DNAH17: variants seen among roughly 807,000 people sequenced by gnomAD.
The protein encoded by DNAH17 is dynein axonemal heavy chain 17.
In DNAH17, 376 loss-of-function variants were observed where a neutral mutation model predicts 485.6. That is an observed-to-expected ratio of 0.77 (90% CI 0.71 to 0.84). The LOEUF (loss-of-function observed/expected upper bound fraction) is 0.84. Ranked by LOEUF, DNAH17 falls within the 40% of genes least tolerant of loss-of-function variation. DNAH17 has a pLI of 0.00. For missense variants in DNAH17, 6,370 were observed against 5,839.3 expected (o/e 1.09, Z -2.96); for synonymous variants, 3,031 against 2,405.9 (o/e 1.26, Z -7.60).
At chr17:78,440,565 ACT>A (rs2087035321) in intron 72 of DNAH17, among the ~76,000 whole-genome samples, 2 of 151,434 alleles carry the variant, frequency 1.3e-5, no homozygotes, top group Admixed American at 6.6e-5. Flanking sequence ...GGCCTGCTTC[ACT>A]CTTTTTTAAT....
chr17:78,536,770 G>C (rs1021838802), intron 19 of DNAH17, among the ~76,000 whole-genome samples: 9 of 151,916 alleles, frequency 5.9e-5, no homozygotes, highest in African/African-American at 2.2e-4. Flanking sequence ...GATGATGAGG[G>C]AATGAAACCC....
In DNAH17 at chr17:78,460,271, G is replaced by A. The variant is rs748957032; in HGVS notation, c.9340-14C>T. On this transcript the variant is annotated splice_polypyrimidine_tract_variant and intron_variant, in intron 58 of 80. Transcript: ENST00000389840. ...CTCAGTGACGTTCTGGAAGGAAGAT[G>A]GACAGGAGAGGTTACTGCAGGCCTG... 4.2e-5 allele frequency: 66 copies of A among 1,574,330 alleles called. No individual in the cohort carries two copies. The highest frequency in any genetic ancestry group is 8.1e-5 in the South Asian group (7 of 86,002).
chr17:78,514,461 C>T (rs549830936), intron 26 of DNAH17, among the ~76,000 whole-genome samples: 328 of 144,862 alleles, frequency 2.3e-3, no homozygotes, highest in African/African-American at 3.7e-3. Flanking sequence ...GCCAAGATCG[C>T]GCCACTGCAC....
In DNAH17 at chr17:78,500,454, T is replaced by C. The variant is rs1598595623; in HGVS notation, c.5491A>G (p.Ile1831Val). ...AGATGGAGGGACTGGGTCAGGGTGA[T>C]ATAGCACCTGCAAGTGACCACAGGT... The part of the protein sequence containing the change: ...VITPLTDRCY[I>V]TLTQSLHLIM... The change falls in exon 36 of 81, where the codon ATC becomes GTC. Residue 1831 changes from isoleucine to valine, a missense_variant. By Grantham distance (29) the Ile-to-Val change is conservative (BLOSUM62 3). Coordinates refer to ENST00000389840, the MANE Select transcript of DNAH17 (RefSeq NM_173628.4). The C allele has an allele frequency of 6.3e-7, 1 of 1,575,138 alleles. No homozygotes were observed. Among genetic ancestry groups the C allele is most frequent in the Non-Finnish European group, 8.6e-7 (1 of 1,164,034 alleles).
intron 14 of DNAH17, among the ~76,000 whole-genome samples, chr17:78,556,384 C>A (rs977039823): frequency 6.6e-6 from 1 of 152,146 alleles, no homozygotes; most frequent in African/African-American, 2.4e-5. Flanking sequence ...AGGAGGCAGC[C>A]CAGCGGATGC....
chr17:78,459,485 G>A (rs542435450), intron 60 of DNAH17, among the ~76,000 whole-genome samples: 3 of 152,316 alleles, frequency 2.0e-5, no homozygotes, highest in East Asian at 1.9e-4. Flanking sequence ...CGTGGCAGGT[G>A]TTACATTTTG....
chr17:78,462,765 G>A (rs2088201137), intron 57 of DNAH17, 79 bp downstream of exon 57: 3 of 1,427,014 alleles, frequency 2.1e-6, no homozygotes, highest in Non-Finnish European at 2.9e-6. Flanking sequence ...ACCAGCCCGT[G>A]GATGCCTGTG....
chr17:78,576,504 T>C (rs2092435029), intron 1 of DNAH17, among the ~76,000 whole-genome samples: 1 of 151,994 alleles, frequency 6.6e-6, no homozygotes, highest in African/African-American at 2.4e-5. Context: ...CCGCGTGGCA[T>C]TTATGGAGAT....
In DNAH17 at chr17:78,543,973, C is replaced by T. The variant is rs748707450; in HGVS notation, c.2416G>A (p.Glu806Lys). 10 of 1,614,026 alleles carry T rather than the reference C, an allele frequency of 6.2e-6. No homozygotes were observed. The highest frequency in any genetic ancestry group is 6.8e-6 in the Non-Finnish European group (8 of 1,179,886). ...MKDWSANPLF[E>K]RKDNKKEALL... The stretch of plus-strand genomic sequence containing the variant: ...GCCTCTTTCTTATTGTCCTTTCTTT[C>T]AAACAGCGGGTTGGCCGACCAGTCC... The change falls in exon 17 of 81, where the codon GAA becomes AAA. Residue 806 changes from glutamate to lysine, a missense_variant. Transcript: ENST00000389840.
chr17:78,482,987 C>T (rs538796301), intron 48 of DNAH17, among the ~76,000 whole-genome samples: 7 of 152,292 alleles, frequency 4.6e-5, no homozygotes, highest in East Asian at 1.9e-4. Context: ...GAAGGGGCCT[C>T]GCGAGTTGCA....
At chr17:78,438,952 C>T in intron 73 of DNAH17, 138 bp downstream of exon 73, 1 of 1,306,580 alleles carries the variant, frequency 7.7e-7, no homozygotes, top group Non-Finnish European at 1.0e-6. Flanking sequence ...ATGCCTCCTC[C>T]TTCAGTGGTG....
At chr17:78,459,522 T>C (rs948127967) in intron 60 of DNAH17, among the ~76,000 whole-genome samples, 5 of 152,234 alleles carry the variant, frequency 3.3e-5, no homozygotes, top group East Asian at 1.9e-4. Context: ...GTGCAATGCA[T>C]GTGCTCGTGT....
chr17:78,465,021 G>A (rs544442199), intron 56 of DNAH17, among the ~76,000 whole-genome samples: 11 of 152,274 alleles, frequency 7.2e-5, no homozygotes, highest in East Asian at 1.9e-4. Flanking sequence ...CTGCCATCTC[G>A]GCTCGCTGCA....
chr17:78,544,317 G>A (rs1230149458), intron 16 of DNAH17, among the ~76,000 whole-genome samples: 1 of 152,184 alleles, frequency 6.6e-6, no homozygotes, highest in Non-Finnish European at 1.5e-5. Flanking sequence ...CTCTCTTTAG[G>A]GGGACGGAAG....
At chr17:78,551,396 G>A (rs955676483) in intron 16 of DNAH17, 139 bp downstream of exon 16, 18 of 687,384 alleles carry the variant, frequency 2.6e-5, no homozygotes, top group African/African-American at 9.0e-5. Flanking sequence ...TCATCCTACC[G>A]GTGGAGAGCA....
At chr17:78,485,804 T>C (rs1162222144) in intron 46 of DNAH17, 47 bp from the exon 47 acceptor site, 1 of 1,598,292 alleles carries the variant, frequency 6.3e-7, no homozygotes, top group African/African-American at 1.3e-5. Flanking sequence ...CTCAGACACT[T>C]CTGCCTCTCG....
At chr17:78,429,663 A>T in intron 75 of DNAH17, among the ~76,000 whole-genome samples, 1 of 151,138 alleles carries the variant, frequency 6.6e-6, no homozygotes, top group South Asian at 2.1e-4. Context: ...CTGAATCGGA[A>T]CTCGCTCCCT....
At chr17:78,428,998 C>T (rs2086581589) in intron 76 of DNAH17, 123 bp downstream of exon 76, 3 of 1,011,606 alleles carry the variant, frequency 3.0e-6, no homozygotes, top group Non-Finnish European at 2.9e-6. Flanking sequence ...ATTTCTCATC[C>T]TCTCTTATTT....
rs139181645 is a variant in DNAH17 at position 78,473,775 on chromosome 17, C to T, written c.8511+1503G>A. The stretch of plus-strand genomic sequence containing the variant: ...AGCAAGGAAACGATGCCGTCATGAA[C>T]GTAAACCAACGTGATTTAGTTAATA... On this transcript the variant is annotated intron_variant, in intron 54 of 80. Coordinates refer to ENST00000389840, the MANE Select transcript of DNAH17 (RefSeq NM_173628.4). Among the ~76,000 whole-genome samples the T allele has an allele frequency of 3.9e-5, 6 of 152,084 alleles. No homozygotes were observed. The East Asian group carries it at 5.8e-4, about 15-fold the overall frequency.
Sources: gnomAD v4.1 joint callset for allele counts (sites outside exome capture counted in the v4.1 genomes callset) on GRCh38, gnomAD v4.1.1 for gene constraint, MANE v1.5 for transcripts, NCBI Gene and HGNC (gene_info 2026-07-23, HGNC 2026-07-21) for gene names.